Variants in B3GALT1 observed in about 807,000 individuals in gnomAD.
B3GALT1 encodes the protein UDP-Gal:betaGlcNAc beta 1,3-galactosyltransferase, polypeptide 1.
Under a neutral mutation model 23.2 loss-of-function variants are expected in B3GALT1, and 10 were observed. That is an observed-to-expected ratio of 0.43 (90% CI 0.27 to 0.73). B3GALT1 has a LOEUF of 0.73. Among genes scored for constraint, B3GALT1 ranks in the 30% least tolerant of loss-of-function variants. B3GALT1 has a pLI of 0.21. For synonymous variants in B3GALT1, 156 were observed against 141.5 expected (o/e 1.10, Z -0.73); for missense variants, 299 against 405.4 (o/e 0.74, Z 2.25).
intron 2 of B3GALT1, among the ~76,000 whole-genome samples, chr2:167,561,755 A>G (rs983107317): frequency 7.9e-4 from 121 of 152,316 alleles, no homozygotes; most frequent in African/African-American, 2.6e-3. Context: ...GACTAAACCA[A>G]GAAGAAGTTG....
At chr2:167,452,403 C>T (rs749989119) in intron 1 of B3GALT1, among the ~76,000 whole-genome samples, 1 of 152,136 alleles carries the variant, frequency 6.6e-6, no homozygotes, top group East Asian at 1.9e-4. Context: ...GTATTTCACT[C>T]GGCTCTCTAA....
At chr2:167,451,267 T>C (rs111316502) in intron 1 of B3GALT1, among the ~76,000 whole-genome samples, 4,777 of 151,372 alleles carry the variant, frequency 0.032, 236 homozygotes, top group African/African-American at 0.11. Flanking sequence ...TGTTAAAGAG[T>C]CTTGTTTTGT....
intron 3 of B3GALT1, among the ~76,000 whole-genome samples, chr2:167,753,528 G>C (rs142824136): frequency 9.9e-5 from 15 of 152,164 alleles, no homozygotes; most frequent in African/African-American, 3.6e-4. Context: ...TCATTTCTGG[G>C]AGCTCTTGTG....
rs549468288 is a variant in B3GALT1, at chr2:167,293,162, G to T, written c.-683G>T. 1.3e-5 allele frequency: 2 copies of T among 151,582 alleles called. No individual in the cohort carries two copies. Among genetic ancestry groups the T allele is most frequent in the East Asian group, 3.9e-4 (2 of 5,120 alleles). 9.4% of individuals were successfully genotyped at this position (151,582 alleles called of 1,614,324 possible). A position where few individuals can be genotyped will look rare whatever the true frequency, so the allele number is the denominator to read the frequency against. On this transcript the variant is annotated 5_prime_UTR_variant, in exon 1 of 5. Coordinates refer to ENST00000392690, the MANE Select transcript of B3GALT1 (RefSeq NM_020981.4). ...GCTGCCGGTCTTGCAGGCGGCCGCC[G>T]GGGAGGGGCGGCCGAGAGAGCGGAG...
At chr2:167,377,009 G>T (rs912502528) in intron 1 of B3GALT1, among the ~76,000 whole-genome samples, 3 of 151,990 alleles carry the variant, frequency 2.0e-5, no homozygotes, top group Non-Finnish European at 4.4e-5. Flanking sequence ...CACTGTTTTT[G>T]CTGCATCCCA....
At chr2:167,339,750 T>C (rs1697118830) in intron 1 of B3GALT1, among the ~76,000 whole-genome samples, 1 of 152,060 alleles carries the variant, frequency 6.6e-6, no homozygotes, top group Non-Finnish European at 1.5e-5. Flanking sequence ...CACAGTAGGG[T>C]AAGCCTTAAC....
chr2:167,353,482 T>A (rs1371612973), intron 1 of B3GALT1, among the ~76,000 whole-genome samples: 1 of 152,130 alleles, frequency 6.6e-6, no homozygotes, highest in Non-Finnish European at 1.5e-5. Flanking sequence ...AATGGCTGTT[T>A]CGTGACATTC....
At chr2:167,711,824 T>C (rs534073246) in intron 3 of B3GALT1, among the ~76,000 whole-genome samples, 2 of 152,162 alleles carry the variant, frequency 1.3e-5, no homozygotes, top group Non-Finnish European at 1.5e-5. Context: ...AAAAATTAGC[T>C]GGGTGTGGTG....
At chr2:167,517,991 CTTGCCATGAGA>C (rs1351150957) in intron 2 of B3GALT1, among the ~76,000 whole-genome samples, 2 of 152,056 alleles carry the variant, frequency 1.3e-5, no homozygotes, top group Non-Finnish European at 2.9e-5. Context: ...GTGAACTCTC[CTTGCCATGAGA>C]TTTCCTGGTC....
chr2:167,524,408 C>A lies in B3GALT1; in HGVS notation c.-410+34131C>A, dbSNP rs79634315. 9.7e-3 allele frequency among the ~76,000 whole-genome samples: 1,478 copies of A among 152,216 alleles called. 8 individuals are homozygous for A. The highest frequency in any genetic ancestry group is 0.016 in the Non-Finnish European group (1,113 of 67,994). ...AACACTGTCTCAACATTTTCTTCTCCAGGGTAAATAATTCCTTTCCCAATG... is the reference window on the plus strand; with the variant it reads ...AACACTGTCTCAACATTTTCTTCTCAAGGGTAAATAATTCCTTTCCCAATG... On this transcript the variant is annotated intron_variant, in intron 2 of 4. Coordinates refer to ENST00000392690, the MANE Select transcript of B3GALT1 (RefSeq NM_020981.4).
At chr2:167,542,632 T>G (rs1683550676) in intron 2 of B3GALT1, among the ~76,000 whole-genome samples, 1 of 152,206 alleles carries the variant, frequency 6.6e-6, no homozygotes, top group African/African-American at 2.4e-5. Flanking sequence ...GTATAAAAGG[T>G]ACTTTATTCT....
At position 167,750,886 on chromosome 2, in the gene B3GALT1, A is replaced by G. The variant is rs184520997; in HGVS notation, c.-351-67786A>G. Among the ~76,000 whole-genome samples the G allele has an allele frequency of 5.9e-5, 9 of 152,182 alleles. No homozygotes were observed. The East Asian group carries it at 1.5e-3, about 26-fold the overall frequency. On this transcript the variant is annotated intron_variant, in intron 3 of 4. Transcript: ENST00000392690. ...CCAGAATCCTATGCCACGGGCAGGA[A>G]TCTATTTAGGATCCAAGCAGTGAGA...
chr2:167,671,969 G>T (rs1272428481), intron 3 of B3GALT1, among the ~76,000 whole-genome samples: 1 of 151,940 alleles, frequency 6.6e-6, no homozygotes, highest in Non-Finnish European at 1.5e-5. Context: ...AAATACAAAG[G>T]ATCATAAAAG....
intron 2 of B3GALT1, among the ~76,000 whole-genome samples, chr2:167,516,678 A>C (rs1700103248): frequency 2.6e-5 from 4 of 152,042 alleles, no homozygotes; most frequent in African/African-American, 9.7e-5. Flanking sequence ...CCTGGCACAA[A>C]ATAGAAACTA....
At position 167,564,282 on chromosome 2, in the gene B3GALT1, G is replaced by C. The variant is rs372775773; in HGVS notation, c.-410+74005G>C. On this transcript the variant is annotated intron_variant, in intron 2 of 4. Transcript: ENST00000392690. The stretch of plus-strand genomic sequence containing the variant: ...AGACGATGGGCGGCCGGGCAGAGAC[G>C]CTCCCCCCCTCCCAGATGTGATGGC... Among the ~76,000 whole-genome samples the C allele has an allele frequency of 4.6e-5, 7 of 151,174 alleles. No homozygotes were observed. In the East Asian group the frequency reaches 1.4e-3, roughly 30 times the overall value.
intron 3 of B3GALT1, among the ~76,000 whole-genome samples, chr2:167,804,114 C>T (rs903842163): frequency 3.9e-5 from 6 of 152,062 alleles, no homozygotes; most frequent in African/African-American, 1.4e-4. Context: ...CTCAGACTCC[C>T]AAGTAGCTGG....
At chr2:167,708,072 G>C (rs548477492) in intron 3 of B3GALT1, among the ~76,000 whole-genome samples, 1 of 152,086 alleles carries the variant, frequency 6.6e-6, no homozygotes, top group Non-Finnish European at 1.5e-5. Flanking sequence ...TCCTAAATTT[G>C]TTAAGTTTAT....
chr2:167,708,937 A>G (rs184245479), intron 3 of B3GALT1, among the ~76,000 whole-genome samples: 1 of 152,344 alleles, frequency 6.6e-6, no homozygotes, highest in African/African-American at 2.4e-5. Context: ...TTGCTTTAAA[A>G]TATTTTTTCT....
At chr2:167,609,895 G>A (rs1482588453) in intron 2 of B3GALT1, among the ~76,000 whole-genome samples, 2 of 152,076 alleles carry the variant, frequency 1.3e-5, no homozygotes, top group South Asian at 4.1e-4. Flanking sequence ...GATGTGGAGC[G>A]AAGGTATTGT....
Sources: allele counts gnomAD v4.1 joint callset (sites outside exome capture counted in the v4.1 genomes callset), GRCh38; gene constraint gnomAD v4.1.1; transcripts MANE v1.5; gene names NCBI Gene and HGNC (gene_info 2026-07-23, HGNC 2026-07-21).